Variants in AGBL1 observed in about 807,000 individuals in gnomAD.
AGBL1 encodes the protein AGBL carboxypeptidase 1.
A neutral mutation model predicts 118.9 loss-of-function variants in AGBL1; 130 were observed. That is an observed-to-expected ratio of 1.09 (90% CI 0.95 to 1.26). The LOEUF is 1.26. Among genes scored for constraint, AGBL1 ranks in the 50% most tolerant of loss-of-function variants. The pLI, the probability that AGBL1 is intolerant of heterozygous loss-of-function variation, is 0.00. For missense variants in AGBL1, 1,584 were observed against 1,298.1 expected (o/e 1.22, Z -3.38); for synonymous variants, 555 against 478.9 (o/e 1.16, Z -2.08).
chr15:86,555,621 C>T (rs760919022), intron 21 of AGBL1, among the ~76,000 whole-genome samples: 2 of 152,120 alleles, frequency 1.3e-5, no homozygotes, highest in African/African-American at 4.8e-5. Flanking sequence ...ATCCTATTCA[C>T]CCACATTAAT....
At chr15:86,860,806 C>A (rs1567211791) in intron 22 of AGBL1, among the ~76,000 whole-genome samples, 1 of 151,946 alleles carries the variant, frequency 6.6e-6, no homozygotes, top group South Asian at 2.1e-4. Context: ...GTTAACAGAG[C>A]CACCACCTAC....
chr15:86,234,843 A>G (rs1415860080), intron 6 of AGBL1, among the ~76,000 whole-genome samples: 1 of 152,226 alleles, frequency 6.6e-6, no homozygotes, highest in Non-Finnish European at 1.5e-5. Flanking sequence ...TCACCATTTC[A>G]AAAGTCCTGG....
chr15:86,924,175 A>G (rs1346035525), intron 23 of AGBL1, among the ~76,000 whole-genome samples: 1 of 152,372 alleles, frequency 6.6e-6, no homozygotes, highest in Non-Finnish European at 1.5e-5. Context: ...ACAGGGATGC[A>G]TACACACATG....
intron 6 of AGBL1, among the ~76,000 whole-genome samples, chr15:86,241,136 G>C (rs532797432): frequency 3.2e-4 from 49 of 152,276 alleles, no homozygotes; most frequent in African/African-American, 9.6e-4. Flanking sequence ...TTTCAGAGAG[G>C]CAGCAATGTA....
intron 22 of AGBL1, among the ~76,000 whole-genome samples, chr15:86,824,917 C>T (rs773950229): frequency 3.3e-5 from 5 of 151,846 alleles, no homozygotes; most frequent in African/African-American, 7.3e-5. Context: ...AATAGCTGGG[C>T]GTGGTGGTGC....
intron 19 of AGBL1, 127 bp from the exon 20 acceptor site, chr15:86,545,875 G>C: frequency 8.5e-7 from 1 of 1,170,494 alleles, no homozygotes. Context: ...TAACTCAACA[G>C]CATCCGAGAA....
chr15:86,247,488 C>G (rs1054716606), intron 6 of AGBL1, among the ~76,000 whole-genome samples, 183 bp from the exon 7 acceptor site: 2 of 152,148 alleles, frequency 1.3e-5, no homozygotes, highest in African/African-American at 2.4e-5. Flanking sequence ...GATGACTGTC[C>G]CATTACTGGG....
chr15:86,132,008 C>G (rs952910361), intron 1 of AGBL1, among the ~76,000 whole-genome samples: 6 of 151,934 alleles, frequency 3.9e-5, no homozygotes, highest in African/African-American at 1.2e-4. Context: ...ATCCTGATGC[C>G]TATTTCTTAA....
At chr15:86,602,740 G>A (rs921386267) in intron 21 of AGBL1, among the ~76,000 whole-genome samples, 30 of 152,124 alleles carry the variant, frequency 2.0e-4, no homozygotes, top group South Asian at 4.1e-4. Context: ...CTAGGGAAAC[G>A]TCTTTGGAAT....
intron 18 of AGBL1, among the ~76,000 whole-genome samples, chr15:86,417,576 A>C (rs2081713920): frequency 6.6e-6 from 1 of 152,216 alleles, no homozygotes; most frequent in South Asian, 2.1e-4. Flanking sequence ...ACAGTGTTAG[A>C]CATCATCTGA....
chr15:86,988,049 C>A (rs755664917), exon 24 of AGBL1: 10 of 1,613,502 alleles, frequency 6.2e-6, no homozygotes, highest in Middle Eastern at 1.6e-4. Flanking sequence ...TTTGCCATTA[C>A]AAACTTTTTC....
At position 86,256,897 on chromosome 15, in the gene AGBL1, G is replaced by A. The variant is rs750483799; in HGVS notation, c.780G>A (p.Val260=). The change falls in exon 8 of 23, where the codon GTG becomes GTA. Residue 260 remains valine, a synonymous_variant. Transcript: ENST00000614907. ...DKSMEPVISV[V]LQILRQCYPT... is the part of the protein sequence containing the mutation. ...GCATGGAGCCCGTCATCTCTGTGGTGCTTCAGATCCTGAGGCAGTGCTACC... is the reference window on the plus strand; with the variant it reads ...GCATGGAGCCCGTCATCTCTGTGGTACTTCAGATCCTGAGGCAGTGCTACC... 1 of 1,613,904 alleles carries A rather than the reference G, an allele frequency of 6.2e-7. No individual in the cohort carries two copies. Among genetic ancestry groups the A allele is most frequent in the East Asian group, 2.2e-5 (1 of 44,868 alleles).
At chr15:86,727,556 C>CA (rs961025535) in intron 22 of AGBL1, among the ~76,000 whole-genome samples, 13 of 151,428 alleles carry the variant, frequency 8.6e-5, no homozygotes, top group Admixed American at 2.0e-4. Context: ...TTTTCAATGA[C>CA]AAAAAAAACT....
intron 17 of AGBL1, among the ~76,000 whole-genome samples, chr15:86,355,116 A>G (rs1468558913): frequency 2.0e-5 from 3 of 152,186 alleles, no homozygotes; most frequent in Non-Finnish European, 4.4e-5. Context: ...TTTGCTTGGT[A>G]AAACCTATGT....
chr15:86,657,327 C>A (rs1331735717), intron 21 of AGBL1, among the ~76,000 whole-genome samples: 1 of 152,182 alleles, frequency 6.6e-6, no homozygotes, highest in South Asian at 2.1e-4. Context: ...TTGACACAAG[C>A]TTTCCTCACT....
At chr15:86,697,133 A>G (rs1053446679) in intron 22 of AGBL1, among the ~76,000 whole-genome samples, 86 of 151,768 alleles carry the variant, frequency 5.7e-4, no homozygotes, top group Non-Finnish European at 2.1e-4. Context: ...TTGTATTTGG[A>G]TGTCTAGTTC....
intron 5 of AGBL1, among the ~76,000 whole-genome samples, chr15:86,195,107 A>T (rs1310684414): frequency 6.6e-6 from 1 of 152,186 alleles, no homozygotes; most frequent in Non-Finnish European, 1.5e-5. Flanking sequence ...TTGAGAGCTT[A>T]CTATAGGCTG....
intron 23 of AGBL1, among the ~76,000 whole-genome samples, chr15:86,975,209 A>G (rs746092755): frequency 5.3e-5 from 8 of 152,044 alleles, no homozygotes; most frequent in Non-Finnish European, 8.8e-5. Context: ...CTAGGTAATT[A>G]ATAAAGGACT....
chr15:86,171,708 A>T (rs367938410), intron 5 of AGBL1, among the ~76,000 whole-genome samples: 1 of 152,204 alleles, frequency 6.6e-6, no homozygotes, highest in Non-Finnish European at 1.5e-5. Flanking sequence ...GGGCAAATAT[A>T]TAATCATATT....
Sources: gnomAD v4.1 joint callset for allele counts (sites outside exome capture counted in the v4.1 genomes callset) on GRCh38, gnomAD v4.1.1 for gene constraint, MANE v1.5 for transcripts, NCBI Gene and HGNC (gene_info 2026-07-23, HGNC 2026-07-21) for gene names.